Variants in PCDHA7 observed in about 807,000 individuals in gnomAD.
The protein encoded by PCDHA7 is protocadherin alpha-7.
In PCDHA7, 37 loss-of-function variants were observed where a neutral mutation model predicts 57.2. That is an observed-to-expected ratio of 0.65 (90% CI 0.50 to 0.85). The LOEUF (loss-of-function observed/expected upper bound fraction) is 0.85. Ranked by LOEUF, PCDHA7 falls within the 40% of genes least tolerant of loss-of-function variation. PCDHA7 has a pLI of 0.00. For synonymous variants in PCDHA7, 553 were observed against 558.8 expected (o/e 0.99, Z 0.15); for missense variants, 1,188 against 1,241.8 (o/e 0.96, Z 0.65).
chr5:140,921,587 A>G (rs970982898), intron 1 of PCDHA7, among the ~76,000 whole-genome samples: 2 of 152,228 alleles, frequency 1.3e-5, no homozygotes, highest in Non-Finnish European at 2.9e-5. Context: ...ATACTATATT[A>G]TGGTTTCAAA....
At position 140,835,454 on chromosome 5, in the gene PCDHA7, C is replaced by G. The variant is rs2150236138; in HGVS notation, c.1071C>G (p.Leu357=). 3.1e-6 allele frequency: 5 copies of G among 1,613,928 alleles called. No individual in the cohort carries two copies. The highest frequency in any genetic ancestry group is 4.2e-6 in the Non-Finnish European group (5 of 1,179,872). ...APQLTLTSLS[L]PIPEDAQPGT... is the part of the protein sequence containing the mutation. ...AGTTGACTCTCACTTCCCTGTCTCT[C>G]CCTATTCCAGAGGACGCCCAACCAG... is the stretch of plus-strand genomic sequence containing the variant. The change falls in exon 1 of 4, where the codon CTC becomes CTG. Residue 357 remains leucine, a synonymous_variant. Transcript: ENST00000525929.
At chr5:140,941,901 GA>G (rs782298792) in intron 1 of PCDHA7, among the ~76,000 whole-genome samples, 1 of 152,130 alleles carries the variant, frequency 6.6e-6, no homozygotes, top group African/African-American at 2.4e-5. Context: ...AAGTAACATT[GA>G]AATGCTTTTA....
At chr5:140,918,226 T>C (rs528915665) in intron 1 of PCDHA7, among the ~76,000 whole-genome samples, 1 of 152,342 alleles carries the variant, frequency 6.6e-6, no homozygotes, top group African/African-American at 2.4e-5. Context: ...ATGCTGATTT[T>C]TGTACATTGA....
intron 1 of PCDHA7, chr5:140,867,045 T>C (rs1232896642): frequency 6.6e-6 from 1 of 152,200 alleles, no homozygotes; most frequent in Non-Finnish European, 1.5e-5. Flanking sequence ...ACTTGGCGTT[T>C]GTTCAGTACT....
rs782258990 is a variant in PCDHA7 at position 140,870,453 on chromosome 5, T to C, written c.2355+33715T>C. ...TGGAGGTGGCCGACGTGAACGACAATGCGCCTGCGTTCGCACAGCCCGAGT... is the reference window on the plus strand; with the variant it reads ...TGGAGGTGGCCGACGTGAACGACAACGCGCCTGCGTTCGCACAGCCCGAGT... On this transcript the variant is annotated intron_variant, in intron 1 of 3. Coordinates refer to ENST00000525929, the MANE Select transcript of PCDHA7 (RefSeq NM_018910.3). 10 of 1,614,138 alleles carry C rather than the reference T, an allele frequency of 6.2e-6. No homozygotes were observed. The Admixed American group carries it at 6.7e-5, about 11-fold the overall frequency.
At chr5:140,912,292 C>A (rs527420621) in intron 1 of PCDHA7, among the ~76,000 whole-genome samples, 13 of 152,184 alleles carry the variant, frequency 8.5e-5, no homozygotes, top group Non-Finnish European at 1.8e-4. Context: ...CAATACTTTG[C>A]CTCCTGTAAT....
At chr5:140,872,001 AC>A (rs1237580171) in intron 1 of PCDHA7, among the ~76,000 whole-genome samples, 21 of 152,320 alleles carry the variant, frequency 1.4e-4, no homozygotes, top group African/African-American at 5.1e-4. Context: ...GTGGCTATTT[AC>A]AGGTGACCTG....
intron 1 of PCDHA7, among the ~76,000 whole-genome samples, chr5:140,846,372 T>C (rs1014223048): frequency 1.5e-5 from 1 of 66,612 alleles, no homozygotes; most frequent in Non-Finnish European, 3.6e-5. Flanking sequence ...TTTCTTTCTT[T>C]CTTTTTTTTT....
rs1388292827 is a variant in PCDHA7, at chr5:140,857,492, G to A, written c.2355+20754G>A. On this transcript the variant is annotated intron_variant, in intron 1 of 3. Coordinates refer to ENST00000525929, the MANE Select transcript of PCDHA7 (RefSeq NM_018910.3). ...CTTCACGGTGTCTGCGTGGGACGCG[G>A]ACGCGCAGGAGAACGCCCTGGTGTC... 2 of 1,598,272 alleles carry A rather than the reference G, an allele frequency of 1.3e-6. No homozygotes were observed. The highest frequency in any genetic ancestry group is 1.7e-6 in the Non-Finnish European group (2 of 1,167,822).
chr5:141,004,144 A>C (rs1451902723), intron 3 of PCDHA7, among the ~76,000 whole-genome samples: 3 of 152,250 alleles, frequency 2.0e-5, no homozygotes, highest in Non-Finnish European at 2.9e-5. Context: ...CCCCAAAGGC[A>C]TGACATTTTA....
intron 1 of PCDHA7, chr5:140,853,382 A>C: frequency 1.0e-6 from 1 of 985,900 alleles, no homozygotes; most frequent in Non-Finnish European, 1.2e-6. Context: ...TAAAATTCAA[A>C]ACAGCCTGTC....
At chr5:140,926,190 ACTT>A (rs1468050055) in intron 1 of PCDHA7, among the ~76,000 whole-genome samples, 2 of 151,766 alleles carry the variant, frequency 1.3e-5, no homozygotes, top group South Asian at 2.2e-4. Flanking sequence ...CCCCCGCAGC[ACTT>A]CTTTCGGGGG....
chr5:140,870,908 A>G, intron 1 of PCDHA7: 1 of 1,613,928 alleles, frequency 6.2e-7, no homozygotes, highest in Non-Finnish European at 8.5e-7. Flanking sequence ...GACTCAGGCT[A>G]CAACGCGTGG....
intron 3 of PCDHA7, among the ~76,000 whole-genome samples, chr5:141,003,593 G>A (rs1291518572): frequency 6.6e-6 from 1 of 152,140 alleles, no homozygotes; most frequent in African/African-American, 2.4e-5. Flanking sequence ...GATTTTAGAT[G>A]TGAGCCACCA....
chr5:140,932,199 A>C (rs1314795858), intron 1 of PCDHA7, among the ~76,000 whole-genome samples: 2 of 151,894 alleles, frequency 1.3e-5, no homozygotes, highest in African/African-American at 4.8e-5. Context: ...TTTTTCTGTT[A>C]ATATTCTTGA....
Position 140,858,553 on chromosome 5 carries a change from G to A in PCDHA7, c.2355+21815G>A, listed in dbSNP as rs782150802. 10 of 1,392,490 alleles carry A rather than the reference G, an allele frequency of 7.2e-6. 2 individuals are homozygous for A. In the South Asian group the frequency reaches 1.1e-4, roughly 16 times the overall value. The allele number at this position is 1,392,490 out of a possible 1,614,324, so 86.3% of individuals were successfully genotyped here. ...TTTTGTCTACATTCCATTTATGCTT[G>A]AATATTTCTAGTGATACCTTTGTAA... On this transcript the variant is annotated intron_variant, in intron 1 of 3. Coordinates refer to ENST00000525929, the MANE Select transcript of PCDHA7 (RefSeq NM_018910.3).
At chr5:140,849,750 T>G in intron 1 of PCDHA7, 1 of 1,598,370 alleles carries the variant, frequency 6.3e-7, no homozygotes, top group Admixed American at 1.7e-5. Context: ...CGAGAGTGTG[T>G]CCGCCTACGA....
intron 1 of PCDHA7, chr5:140,884,170 G>A (rs1333457358): frequency 1.4e-5 from 23 of 1,613,294 alleles, no homozygotes; most frequent in Non-Finnish European, 1.9e-5. Flanking sequence ...TCAGCACGAC[G>A]CGCCCTCTGG....
At chr5:140,857,099 G>T in intron 1 of PCDHA7, 1 of 1,597,354 alleles carries the variant, frequency 6.3e-7, no homozygotes, top group Non-Finnish European at 8.6e-7. Context: ...TGAGGTGATT[G>T]TCACTTCTCT....
Sources: gnomAD v4.1 joint callset for allele counts (sites outside exome capture counted in the v4.1 genomes callset) on GRCh38, gnomAD v4.1.1 for gene constraint, MANE v1.5 for transcripts, NCBI Gene and HGNC (gene_info 2026-07-23, HGNC 2026-07-21) for gene names.